Variants in GOLGA1 observed in about 807,000 individuals in gnomAD.
The protein encoded by GOLGA1 is golgin A1.
In GOLGA1, 63 loss-of-function variants were observed where a neutral mutation model predicts 119.7. That is an observed-to-expected ratio of 0.53 (90% CI 0.43 to 0.65). GOLGA1 has a LOEUF of 0.65. Ranked by LOEUF, GOLGA1 falls within the 30% of genes least tolerant of loss-of-function variation. The pLI, the probability that GOLGA1 is intolerant of heterozygous loss-of-function variation, is 0.00. For synonymous variants in GOLGA1, 318 were observed against 333.4 expected (o/e 0.95, Z 0.50); for missense variants, 798 against 912.8 (o/e 0.87, Z 1.62).
chr9:124,930,911 A>C (rs942769214), intron 4 of GOLGA1, among the ~76,000 whole-genome samples: 1 of 152,178 alleles, frequency 6.6e-6, no homozygotes, highest in African/African-American at 2.4e-5. Flanking sequence ...AGGTGGTATG[A>C]GCTGCAGGAA....
At chr9:124,939,320 T>C (rs941591032) in intron 2 of GOLGA1, among the ~76,000 whole-genome samples, 8 of 152,192 alleles carry the variant, frequency 5.3e-5, no homozygotes, top group African/African-American at 1.9e-4. Context: ...ATTCAATTCA[T>C]ATGTAATTCA....
Position 124,881,962 on chromosome 9 carries a change from A to G in GOLGA1, c.1966-8T>C. On this transcript the variant is annotated splice_polypyrimidine_tract_variant and splice_region_variant and intron_variant, in intron 20 of 22. Transcript: ENST00000373555. The surrounding 1 kb of genome is among the most constrained non-coding windows in gnomAD (Gnocchi z 4.9). ...ATTATCGGGTCTGATTTTCTGAAAA[A>G]CCAGTGGGAAAGATGCTACACCGAA... is the stretch of plus-strand genomic sequence containing the variant. 1 of 1,593,868 alleles carries G rather than the reference A, an allele frequency of 6.3e-7. No individual in the cohort carries two copies. The highest frequency in any genetic ancestry group is 1.1e-5 in the South Asian group (1 of 88,460).
upstream of GOLGA1, among the ~76,000 whole-genome samples, chr9:124,942,245 G>A (rs1169579329): frequency 6.6e-6 from 1 of 152,148 alleles, no homozygotes; most frequent in Non-Finnish European, 1.5e-5. Context: ...ACTCCAGCCT[G>A]GGCAACAAGA....
chr9:124,913,898 T>C (rs1278416642), intron 10 of GOLGA1, among the ~76,000 whole-genome samples: 2 of 152,206 alleles, frequency 1.3e-5, no homozygotes. Flanking sequence ...ACAATCATTC[T>C]GCATAAAGGG....
At chr9:124,939,520 T>C (rs941754569) in intron 2 of GOLGA1, among the ~76,000 whole-genome samples, 2 of 149,798 alleles carry the variant, frequency 1.3e-5, no homozygotes, top group Non-Finnish European at 3.0e-5. Context: ...TTTGATAAAA[T>C]TACCTCCAAT....
chr9:124,939,651 C>T (rs893340251), intron 2 of GOLGA1, among the ~76,000 whole-genome samples: 2 of 148,654 alleles, frequency 1.3e-5, no homozygotes, highest in Admixed American at 6.8e-5. Context: ...CAACCTCCAC[C>T]TCCTGGGTTC....
chr9:124,898,515 C>T (rs1376908189), intron 15 of GOLGA1, 34 bp downstream of exon 15: 2 of 1,248,242 alleles, frequency 1.6e-6, no homozygotes, highest in African/African-American at 1.5e-5. Context: ...AACATGAACA[C>T]TTTTATGAAA....
intron 15 of GOLGA1, among the ~76,000 whole-genome samples, chr9:124,895,284 C>T (rs1829945727): frequency 6.7e-6 from 1 of 149,502 alleles, no homozygotes; most frequent in African/African-American, 2.4e-5. Flanking sequence ...AACAGAGAAC[C>T]CTCCACAACA....
chr9:124,883,371 C>T (rs1468010007), intron 19 of GOLGA1, among the ~76,000 whole-genome samples: 7 of 152,120 alleles, frequency 4.6e-5, no homozygotes, highest in African/African-American at 1.4e-4. Context: ...CTGCAACCTC[C>T]GCCTCCTGGG....
intron 10 of GOLGA1, among the ~76,000 whole-genome samples, chr9:124,916,993 T>C (rs773549931): frequency 1.5e-4 from 23 of 150,568 alleles, no homozygotes; most frequent in Non-Finnish European, 2.5e-4. Flanking sequence ...AAATAAATTA[T>C]AGCTCCAGGT....
intron 5 of GOLGA1, 138 bp downstream of exon 5, chr9:124,929,078 T>G: frequency 3.1e-6 from 2 of 647,024 alleles, no homozygotes. Flanking sequence ...AAATGTTATA[T>G]CAACCTGATT....
At chr9:124,909,608 CAAA>C (rs58372596) in intron 11 of GOLGA1, among the ~76,000 whole-genome samples, 13 of 87,278 alleles carry the variant, frequency 1.5e-4, no homozygotes, top group African/African-American at 3.4e-4. Flanking sequence ...GACTCCGTCT[CAAA>C]AAAAAAAAAA....
chr9:124,906,979 C>T (rs994054678), intron 12 of GOLGA1, among the ~76,000 whole-genome samples: 2 of 151,074 alleles, frequency 1.3e-5, no homozygotes, highest in African/African-American at 4.9e-5. Context: ...TAATGCAATC[C>T]CAATAAAAAT....
intron 3 of GOLGA1, among the ~76,000 whole-genome samples, chr9:124,936,880 T>G (rs914749390): frequency 1.3e-5 from 2 of 152,192 alleles, no homozygotes; most frequent in Non-Finnish European, 2.9e-5. Flanking sequence ...CTTTTATAAC[T>G]TCAAAAACAA....
rs368276222 is a variant in GOLGA1, at chr9:124,903,179, G to T, written c.1066-2632C>A. On this transcript the variant is annotated intron_variant, in intron 12 of 22. Transcript: ENST00000373555. The stretch of plus-strand genomic sequence containing the variant: ...ACAACAGCCAAAAGATAGAAACAAC[G>T]CAAATGTCCATCAAAAGCTGGGTGT... 2.0e-5 allele frequency among the ~76,000 whole-genome samples: 3 copies of T among 152,052 alleles called. No homozygotes were observed. In the South Asian group the frequency reaches 6.2e-4, roughly 31 times the overall value.
At chr9:124,908,797 C>T (rs888813495) in intron 11 of GOLGA1, among the ~76,000 whole-genome samples, 4 of 152,226 alleles carry the variant, frequency 2.6e-5, no homozygotes, top group Admixed American at 2.6e-4. Context: ...CTCACAAAGT[C>T]GTTAGGGTTC....
rs753192783 is a variant in GOLGA1, at chr9:124,923,231, AAAG to A, written c.433-11_433-9del. 7.6e-6 allele frequency: 12 copies of A among 1,580,492 alleles called. No homozygotes were observed. Among genetic ancestry groups the A allele is most frequent in the African/African-American group, 5.4e-5 (4 of 73,972 alleles). On this transcript the variant is annotated splice_polypyrimidine_tract_variant and intron_variant, in intron 7 of 22. Coordinates refer to ENST00000373555, the MANE Select transcript of GOLGA1 (RefSeq NM_002077.4). ...TGTCAGAATATTTTTCTCCTATTTGAAAGAAGAAGACATCAACTCAGGCAACGA... is the reference window on the plus strand; with the variant it reads ...TGTCAGAATATTTTTCTCCTATTTGAAAGAAGACATCAACTCAGGCAACGA...
At position 124,909,734 on chromosome 9, in the gene GOLGA1, G is replaced by C. The variant is rs149312123; in HGVS notation, c.970-1262C>G. On this transcript the variant is annotated intron_variant, in intron 11 of 22. Coordinates refer to ENST00000373555, the MANE Select transcript of GOLGA1 (RefSeq NM_002077.4). ...CAAGCCTAAGGAAATCAGAATTTCT[G>C]AGGGTAGGGCCAGAGATATATACTT... is the stretch of plus-strand genomic sequence containing the variant. Among the ~76,000 whole-genome samples the C allele has an allele frequency of 3.3e-5, 5 of 152,076 alleles. No homozygotes were observed. The East Asian group carries it at 9.6e-4, about 29-fold the overall frequency.
At chr9:124,896,287 G>A (rs974365407) in intron 15 of GOLGA1, among the ~76,000 whole-genome samples, 3 of 152,158 alleles carry the variant, frequency 2.0e-5, no homozygotes, top group Admixed American at 2.0e-4. Flanking sequence ...GGTGGCACGT[G>A]CCTGTAGTCC....
Sources: gnomAD v4.1 joint callset for allele counts (sites outside exome capture counted in the v4.1 genomes callset) on GRCh38, gnomAD v4.1.1 for gene constraint, Gnocchi (gnomAD v3.1) non-coding constraint, MANE v1.5 for transcripts, NCBI Gene and HGNC (gene_info 2026-07-23, HGNC 2026-07-21) for gene names.